The following TDRD9 variants were observed in gnomAD, a reference collection of about 807,000 sequenced individuals.
TDRD9 encodes the protein ATP-dependent RNA helicase TDRD9.
A neutral mutation model predicts 172.6 loss-of-function variants in TDRD9; 124 were observed. The observed-to-expected ratio is 0.72, with a 90% CI of 0.62 to 0.83. The LOEUF (loss-of-function observed/expected upper bound fraction) is 0.83, where lower values mean the gene tolerates loss of function less well. TDRD9 is among the 40% of genes least tolerant of loss of function. TDRD9 has a pLI of 0.00. For synonymous variants in TDRD9, 619 were observed against 617.1 expected (o/e 1.00, Z -0.05); for missense variants, 1,479 against 1,714.1 (o/e 0.86, Z 2.42).
At chr14:104,034,932 C>G (rs370757380) in intron 31 of TDRD9, 28 bp from the exon 32 acceptor site, 5 of 1,529,274 alleles carry the variant, frequency 3.3e-6, no homozygotes, top group Non-Finnish European at 4.4e-6. Context: ...AGTTAATGCC[C>G]GATGTTGATT....
intron 3 of TDRD9, 120 bp downstream of exon 3, chr14:103,963,296 G>C (rs2032596146): frequency 1.5e-6 from 1 of 648,870 alleles, no homozygotes; most frequent in Non-Finnish European, 2.5e-6. Flanking sequence ...GGTGTACAAG[G>C]TTCTGTGGTG....
intron 13 of TDRD9, among the ~76,000 whole-genome samples, chr14:104,001,558 T>C (rs1479259934): frequency 6.6e-6 from 1 of 152,322 alleles, no homozygotes; most frequent in East Asian, 1.9e-4. Flanking sequence ...ATTTCTCTGG[T>C]ATAAAAACCC....
At chr14:104,001,212 C>T (rs1316629510) in intron 13 of TDRD9, among the ~76,000 whole-genome samples, 1 of 152,242 alleles carries the variant, frequency 6.6e-6, no homozygotes, top group Non-Finnish European at 1.5e-5. Flanking sequence ...CCCTGTGCTG[C>T]CCCCTTGCAG....
At chr14:104,028,139 A>C (rs2035179528) in intron 28 of TDRD9, among the ~76,000 whole-genome samples, 1 of 152,082 alleles carries the variant, frequency 6.6e-6, no homozygotes. Context: ...TATTGTGACC[A>C]CTGCTGCAGT....
intron 1 of TDRD9, among the ~76,000 whole-genome samples, chr14:103,949,129 A>G (rs565911896): frequency 6.6e-6 from 1 of 152,342 alleles, no homozygotes; most frequent in East Asian, 1.9e-4. Flanking sequence ...AATACCACTG[A>G]ACTGTACACT....
chr14:104,030,781 G>A (rs560046152), intron 28 of TDRD9, among the ~76,000 whole-genome samples: 63 of 152,258 alleles, frequency 4.1e-4, no homozygotes, highest in African/African-American at 1.1e-3. Flanking sequence ...TGAACAATGA[G>A]AACGCATGGA....
chr14:104,022,761 T>TAAATAAATAAAA (rs1555373932), intron 24 of TDRD9, among the ~76,000 whole-genome samples: 10 of 126,888 alleles, frequency 7.9e-5, no homozygotes, highest in South Asian at 5.4e-4. Flanking sequence ...AATAAATAAA[T>TAAATAAATAAAA]AAAAAAGCAC....
rs538299551 is a variant in TDRD9, at chr14:104,043,571, T to G, written c.3974+1384T>G. Among the ~76,000 whole-genome samples the G allele has an allele frequency of 1.2e-4, 18 of 152,216 alleles. No individual in the cohort carries two copies. The South Asian group carries it at 3.5e-3, about 30-fold the overall frequency. ...TTTATGTAAAATGTGGGTTGAAGTT[T>G]AAGTACACAGGTATATGCCCATGTG... is the stretch of plus-strand genomic sequence containing the variant. On this transcript the variant is annotated intron_variant, in intron 34 of 35. Coordinates refer to ENST00000409874, the MANE Select transcript of TDRD9 (RefSeq NM_153046.3).
intron 33 of TDRD9, among the ~76,000 whole-genome samples, chr14:104,040,967 T>C (rs1363778695): frequency 6.6e-6 from 1 of 152,278 alleles, no homozygotes; most frequent in Non-Finnish European, 1.5e-5. Flanking sequence ...TTATTTTTAT[T>C]GCATTTTACA....
chr14:104,010,470 A>G (rs564067341), intron 20 of TDRD9, among the ~76,000 whole-genome samples: 1 of 152,016 alleles, frequency 6.6e-6, no homozygotes, highest in South Asian at 2.1e-4. Flanking sequence ...GCAGTAACAC[A>G]TGGAGCTATC....
At chr14:103,963,282 C>A (rs1382540171) in intron 3 of TDRD9, 106 bp downstream of exon 3, 2 of 776,094 alleles carry the variant, frequency 2.6e-6, no homozygotes, top group Non-Finnish European at 4.1e-6. Context: ...GTGAACACTT[C>A]TGTGGTGTAC....
intron 1 of TDRD9, among the ~76,000 whole-genome samples, chr14:103,948,247 T>A (rs1293441324): frequency 6.6e-6 from 1 of 151,870 alleles, no homozygotes; most frequent in Non-Finnish European, 1.5e-5. Flanking sequence ...GAACTCCTGG[T>A]TTCAAGTGAT....
chr14:103,991,932 C>T (rs925068483), intron 9 of TDRD9, among the ~76,000 whole-genome samples: 1 of 152,068 alleles, frequency 6.6e-6, no homozygotes, highest in Non-Finnish European at 1.5e-5. Flanking sequence ...TAGAGTTCAG[C>T]TTTTTGAAGG....
chr14:103,968,850 C>G (rs1036080172), intron 5 of TDRD9, among the ~76,000 whole-genome samples: 43 of 144,482 alleles, frequency 3.0e-4, no homozygotes, highest in Admixed American at 2.3e-3. Context: ...CCTATAATCT[C>G]AGCACTTTGG....
intron 15 of TDRD9, 81 bp from the exon 16 acceptor site, chr14:104,006,308 C>T: frequency 8.7e-7 from 1 of 1,154,188 alleles, no homozygotes; most frequent in South Asian, 1.6e-5. Context: ...TCTTTGTTTC[C>T]TGTTTTGGAC....
At chr14:104,037,510 C>T (rs1212041694) in intron 32 of TDRD9, among the ~76,000 whole-genome samples, 1 of 152,210 alleles carries the variant, frequency 6.6e-6, no homozygotes, top group Non-Finnish European at 1.5e-5. Context: ...TTTACCACCT[C>T]TAACATACTC....
At chr14:103,931,074 A>G (rs916113706) in intron 1 of TDRD9, among the ~76,000 whole-genome samples, 2 of 152,064 alleles carry the variant, frequency 1.3e-5, no homozygotes, top group African/African-American at 4.8e-5. Context: ...TGGGCAGATC[A>G]TTTGAGGTCA....
In TDRD9 at chr14:103,986,212, T is replaced by G; in HGVS notation, c.1012-5T>G. Reference sequence around the variant, plus strand: ...ATTGCGACTTTTTTCTTTCACTGTTTTTAGCTCTCTCCTCATCTCCTGGAG... The same window carrying G: ...ATTGCGACTTTTTTCTTTCACTGTTGTTAGCTCTCTCCTCATCTCCTGGAG... On this transcript the variant is annotated splice_polypyrimidine_tract_variant and splice_region_variant and intron_variant, in intron 7 of 35. Transcript: ENST00000409874. 2 of 1,611,392 alleles carry G rather than the reference T, an allele frequency of 1.2e-6. No individual in the cohort carries two copies. The highest frequency in any genetic ancestry group is 1.7e-6 in the Non-Finnish European group (2 of 1,178,564).
intron 5 of TDRD9, among the ~76,000 whole-genome samples, 171 bp from the exon 6 acceptor site, chr14:103,970,370 G>A (rs1363586728): frequency 1.3e-5 from 2 of 152,194 alleles, no homozygotes; most frequent in Non-Finnish European, 2.9e-5. Context: ...TGGTCTGTTG[G>A]CCGATGCTCT....
Sources: gnomAD v4.1 joint callset for allele counts (sites outside exome capture counted in the v4.1 genomes callset) on GRCh38, gnomAD v4.1.1 for gene constraint, MANE v1.5 for transcripts, NCBI Gene and HGNC (gene_info 2026-07-23, HGNC 2026-07-21) for gene names.